The following NKAIN2 variants were observed in gnomAD, a reference collection of about 807,000 sequenced individuals.
The protein encoded by NKAIN2 is sodium/potassium-transporting ATPase subunit beta-1-interacting protein 2.
In NKAIN2, 14 loss-of-function variants were observed where a neutral mutation model predicts 32.6. The observed-to-expected ratio is 0.43, with a 90% CI of 0.28 to 0.67. The LOEUF is 0.67. Among genes scored for constraint, NKAIN2 ranks in the 30% least tolerant of loss-of-function variants. The pLI is 0.17. For missense variants in NKAIN2, 198 were observed against 258.3 expected, an observed-to-expected ratio of 0.77 and a Z score of 1.60; for synonymous variants, 80 against 87.2, an observed-to-expected ratio of 0.92 and a Z score of 0.46.
chr6:123,959,927 G>C (rs781601340), intron 1 of NKAIN2, among the ~76,000 whole-genome samples: 2 of 17,938 alleles, frequency 1.1e-4, no homozygotes, highest in African/African-American at 8.6e-4. Context: ...TTCCATATAT[G>C]TGTGTGTGTG....
intron 1 of NKAIN2, among the ~76,000 whole-genome samples, chr6:123,916,829 T>TTATCTATCTATC (rs3038597): frequency 4.6e-5 from 7 of 150,796 alleles, no homozygotes; most frequent in East Asian, 3.9e-4. Flanking sequence ...ATCTATCTAT[T>TTATCTATCTATC]TATCTATCTA....
chr6:124,403,454 C>G (rs143362428), intron 3 of NKAIN2, among the ~76,000 whole-genome samples: 16 of 152,248 alleles, frequency 1.1e-4, no homozygotes, highest in Admixed American at 4.6e-4. Context: ...CCTTTTACCC[C>G]CCTTACTTCG....
chr6:123,982,985 A>G (rs1258375652), intron 1 of NKAIN2, among the ~76,000 whole-genome samples: 2 of 45,652 alleles, frequency 4.4e-5, no homozygotes, highest in African/African-American at 1.6e-4. Flanking sequence ...TACCACCCCC[A>G]CCCCCGCCCC....
chr6:124,308,120 T>A (rs1796580480), intron 2 of NKAIN2, among the ~76,000 whole-genome samples: 2 of 152,146 alleles, frequency 1.3e-5, no homozygotes, highest in African/African-American at 4.8e-5. Flanking sequence ...TAGGTATTTG[T>A]TCTAATGCTC....
chr6:124,317,209 T>G (rs1229673259), intron 2 of NKAIN2, among the ~76,000 whole-genome samples: 1 of 152,038 alleles, frequency 6.6e-6, no homozygotes, highest in Non-Finnish European at 1.5e-5. Flanking sequence ...CTAGAGAAGG[T>G]GAACTCAAGT....
intron 1 of NKAIN2, among the ~76,000 whole-genome samples, chr6:124,034,392 A>G (rs1030194215): frequency 8.5e-5 from 13 of 152,146 alleles, no homozygotes; most frequent in Admixed American, 2.0e-4. Context: ...TGCTTCAGTG[A>G]TAATTCACTT....
At chr6:124,604,805 T>G (rs1039956583) in intron 3 of NKAIN2, among the ~76,000 whole-genome samples, 1 of 151,936 alleles carries the variant, frequency 6.6e-6, no homozygotes, top group Non-Finnish European at 1.5e-5. Context: ...GTTACAGATT[T>G]GTAAGCTCTA....
chr6:124,042,692 TGCATGGTATAGA>T (rs1476677376), intron 1 of NKAIN2, among the ~76,000 whole-genome samples: 2 of 152,066 alleles, frequency 1.3e-5, no homozygotes, highest in East Asian at 3.9e-4. Context: ...ACCAAATGAA[TGCATGGTATAGA>T]GCTAGTTAAC....
chr6:124,509,693 G>A (rs1040249095), intron 3 of NKAIN2, among the ~76,000 whole-genome samples: 6 of 152,226 alleles, frequency 3.9e-5, no homozygotes, highest in African/African-American at 7.2e-5. Flanking sequence ...ATTTTCTCAC[G>A]TCATCCTTAA....
At chr6:124,299,662 T>A (rs1300746299) in intron 2 of NKAIN2, among the ~76,000 whole-genome samples, 1 of 152,230 alleles carries the variant, frequency 6.6e-6, no homozygotes, top group Non-Finnish European at 1.5e-5. Context: ...TTTCTTCAAA[T>A]TTTTCCCCTG....
chr6:124,799,698 G>A (rs574427087), intron 5 of NKAIN2, among the ~76,000 whole-genome samples: 3 of 152,192 alleles, frequency 2.0e-5, no homozygotes, highest in East Asian at 1.9e-4. Flanking sequence ...TTCTGGCAGG[G>A]TAAGTTGAAG....
At chr6:124,637,876 A>T (rs1038997144) in intron 3 of NKAIN2, among the ~76,000 whole-genome samples, 1 of 152,192 alleles carries the variant, frequency 6.6e-6, no homozygotes, top group African/African-American at 2.4e-5. Flanking sequence ...CTATCAAAAT[A>T]TCAATGACAT....
chr6:124,249,636 C>CAT (rs1793597846), intron 1 of NKAIN2, among the ~76,000 whole-genome samples: 1 of 152,056 alleles, frequency 6.6e-6, no homozygotes, highest in East Asian at 1.9e-4. Context: ...CACACACACA[C>CAT]GCACAACAAG....
intron 3 of NKAIN2, among the ~76,000 whole-genome samples, chr6:124,435,029 T>C (rs529821166): frequency 1.1e-4 from 16 of 152,310 alleles, no homozygotes; most frequent in African/African-American, 3.8e-4. Flanking sequence ...TAAAAATAAT[T>C]ATCATGAAGA....
At chr6:124,701,215 T>C (rs1005097584) in intron 4 of NKAIN2, among the ~76,000 whole-genome samples, 1 of 151,728 alleles carries the variant, frequency 6.6e-6, no homozygotes, top group African/African-American at 2.4e-5. Flanking sequence ...GCTAAAACTT[T>C]GGAATTTCAT....
At position 123,922,951 on chromosome 6, in the gene NKAIN2, TAGTATATAACTTGAGAGG is replaced by T. The variant is rs1447261355; in HGVS notation, c.54+118701_54+118718del. ...AAATACATGTAATTATTTTTGTAGCTAGTATATAACTTGAGAGGAGTTACAGCTTTGTAGTTACATTTG... is the reference window on the plus strand; with the variant it reads ...AAATACATGTAATTATTTTTGTAGCTAGTTACAGCTTTGTAGTTACATTTG... On this transcript the variant is annotated intron_variant, in intron 1 of 6. Transcript: ENST00000368417. Among the ~76,000 whole-genome samples the T allele has an allele frequency of 5.3e-5, 8 of 152,322 alleles. No individual in the cohort carries two copies. The East Asian group carries it at 1.5e-3, about 29-fold the overall frequency.
chr6:124,083,512 A>G (rs907137231), intron 1 of NKAIN2, among the ~76,000 whole-genome samples: 47 of 151,788 alleles, frequency 3.1e-4, no homozygotes, highest in African/African-American at 9.7e-4. Flanking sequence ...ATTTTTTATA[A>G]TATAAAATTT....
intron 1 of NKAIN2, among the ~76,000 whole-genome samples, chr6:124,170,603 TAAAG>T (rs1029213838): frequency 5.3e-5 from 8 of 152,308 alleles, no homozygotes; most frequent in African/African-American, 1.9e-4. Context: ...TTTTCTTAAA[TAAAG>T]AGATAGTGGC....
chr6:124,559,998 C>G (rs1028857083), intron 3 of NKAIN2, among the ~76,000 whole-genome samples: 1 of 151,882 alleles, frequency 6.6e-6, no homozygotes, highest in African/African-American at 2.4e-5. Flanking sequence ...GTCAAAGCAC[C>G]TTTAGGTCAA....
Sources: gnomAD v4.1 joint callset for allele counts (sites outside exome capture counted in the v4.1 genomes callset) on GRCh38, gnomAD v4.1.1 for gene constraint, MANE v1.5 for transcripts, NCBI Gene and HGNC (gene_info 2026-07-23, HGNC 2026-07-21) for gene names.